The following FBXL13 variants were observed in gnomAD, a reference collection of about 807,000 sequenced individuals.
FBXL13 encodes the protein F-box and leucine-rich repeat protein 13.
In FBXL13, 67 loss-of-function variants were observed where a neutral mutation model predicts 83.6. The observed-to-expected ratio is 0.80, with a 90% CI of 0.66 to 0.98. FBXL13 has a LOEUF of 0.98. FBXL13 is among the 50% of genes least tolerant of loss of function. The pLI is 0.00. For missense variants in FBXL13, 822 were observed against 866.5 expected (o/e 0.95, Z 0.64); for synonymous variants, 272 against 299.5 (o/e 0.91, Z 0.95).
chr7:103,001,929 A>C (rs546750986), intron 6 of FBXL13, among the ~76,000 whole-genome samples: 1 of 152,262 alleles, frequency 6.6e-6, no homozygotes, highest in Non-Finnish European at 1.5e-5. Flanking sequence ...CATGAGAACC[A>C]GTTCTCCCTA....
intron 8 of FBXL13, among the ~76,000 whole-genome samples, chr7:102,961,774 G>A (rs1301999258): frequency 2.2e-5 from 3 of 138,158 alleles, no homozygotes; most frequent in African/African-American, 8.3e-5. Flanking sequence ...GGGAAAACTG[G>A]CTAGCCATAT....
intron 8 of FBXL13, chr7:102,933,675 A>C: frequency 3.2e-6 from 1 of 316,826 alleles, no homozygotes; most frequent in Non-Finnish European, 5.8e-6. Flanking sequence ...GTTCTGTGGA[A>C]CTAGAAGGCC....
At chr7:102,914,912 G>C (rs987733943) in intron 10 of FBXL13, among the ~76,000 whole-genome samples, 2 of 152,180 alleles carry the variant, frequency 1.3e-5, no homozygotes, top group Admixed American at 6.5e-5. Flanking sequence ...TCTTGGGGTG[G>C]GGAGAGGCAC....
intron 18 of FBXL13, among the ~76,000 whole-genome samples, chr7:102,823,170 C>T (rs140209670): frequency 1.1e-3 from 165 of 152,198 alleles, no homozygotes; most frequent in Non-Finnish European, 1.9e-3. Flanking sequence ...TTTAGTAATA[C>T]CTGTCACACC....
At chr7:102,830,037 AAAT>A (rs1427979658) in intron 18 of FBXL13, among the ~76,000 whole-genome samples, 1 of 152,106 alleles carries the variant, frequency 6.6e-6, no homozygotes, top group Non-Finnish European at 1.5e-5. Flanking sequence ...CAGCGTTCTA[AAAT>A]AATTGACTCT....
intron 6 of FBXL13, among the ~76,000 whole-genome samples, chr7:102,985,782 T>C (rs1410932097): frequency 1.3e-5 from 2 of 152,184 alleles, no homozygotes; most frequent in Admixed American, 6.5e-5. Context: ...AGGATGGGCA[T>C]TATCATGTAA....
chr7:102,826,837 C>A (rs1317479036), intron 18 of FBXL13, among the ~76,000 whole-genome samples: 8 of 133,772 alleles, frequency 6.0e-5, no homozygotes, highest in African/African-American at 1.9e-4. Flanking sequence ...ATAAATATAT[C>A]TAATATATAA....
intron 18 of FBXL13, among the ~76,000 whole-genome samples, chr7:102,832,271 A>C (rs1800838763): frequency 6.6e-6 from 1 of 152,218 alleles, no homozygotes; most frequent in African/African-American, 2.4e-5. Context: ...TTGGAGTGTC[A>C]AACTGGAACA....
intron 6 of FBXL13, among the ~76,000 whole-genome samples, chr7:102,974,978 C>G (rs1827253569): frequency 6.6e-6 from 1 of 152,156 alleles, no homozygotes; most frequent in Non-Finnish European, 1.5e-5. Context: ...TCTCCTGAAG[C>G]CTGTAAACCC....
intron 6 of FBXL13, among the ~76,000 whole-genome samples, chr7:102,975,017 C>T (rs968228622): frequency 1.6e-4 from 24 of 152,246 alleles, no homozygotes; most frequent in African/African-American, 5.5e-4. Flanking sequence ...CCTATCTATC[C>T]TCCACTGCCT....
chr7:103,019,027 G>A (rs565705141), intron 6 of FBXL13, among the ~76,000 whole-genome samples: 12 of 151,350 alleles, frequency 7.9e-5, no homozygotes, highest in Admixed American at 3.3e-4. Flanking sequence ...TACATTCTTC[G>A]CAGCACCACA....
exon 19 of FBXL13, chr7:102,822,123 A>C: frequency 6.2e-7 from 1 of 1,614,220 alleles, no homozygotes; most frequent in Non-Finnish European, 8.5e-7. Flanking sequence ...TTTGGTCAGT[A>C]AGCAAGACAC....
chr7:102,915,001 G>A (rs894372719), intron 10 of FBXL13, among the ~76,000 whole-genome samples: 1 of 152,036 alleles, frequency 6.6e-6, no homozygotes, highest in Non-Finnish European at 1.5e-5. Context: ...GTGACACAGT[G>A]CAAAATACAC....
rs748523995 is a variant in FBXL13, at chr7:102,931,940, C to T, written c.725-7G>A. The T allele has an allele frequency of 1.2e-6, 2 of 1,613,100 alleles. No individual in the cohort carries two copies. The highest frequency in any genetic ancestry group is 1.1e-5 in the South Asian group (1 of 90,908). Reference sequence around the variant, plus strand: ...TGCAAGTTCCTACAGTGGCCTAAATCAAATAAGTTACACGTCACTAAACTA... The same window carrying T: ...TGCAAGTTCCTACAGTGGCCTAAATTAAATAAGTTACACGTCACTAAACTA... On this transcript the variant is annotated splice_region_variant and splice_polypyrimidine_tract_variant and intron_variant, in intron 8 of 19. Transcript: ENST00000313221.
At chr7:102,865,716 T>G (rs192284979) in intron 16 of FBXL13, among the ~76,000 whole-genome samples, 96 of 150,232 alleles carry the variant, frequency 6.4e-4, no homozygotes, top group African/African-American at 2.2e-3. Flanking sequence ...TAATTTTTGT[T>G]TTTTTTTTTA....
At chr7:103,003,097 T>A (rs1421159786) in intron 6 of FBXL13, among the ~76,000 whole-genome samples, 1 of 151,978 alleles carries the variant, frequency 6.6e-6, no homozygotes, top group African/African-American at 2.4e-5. Context: ...TTTCTTTCTT[T>A]AATTCTTTCT....
chr7:102,935,242 C>CTTTTTTTTTTTTTTTTTTCTTT (rs1820077921), intron 8 of FBXL13, among the ~76,000 whole-genome samples: 1 of 76,402 alleles, frequency 1.3e-5, no homozygotes, highest in African/African-American at 5.8e-5. Flanking sequence ...TTTTTTCTTT[C>CTTTTTTTTTTTTTTTTTTCTTT]TTTTTTTTTT....
chr7:103,039,908 A>G (rs535869605), intron 2 of FBXL13, among the ~76,000 whole-genome samples: 1 of 152,206 alleles, frequency 6.6e-6, no homozygotes, highest in South Asian at 2.1e-4. Flanking sequence ...CTATGAAGAA[A>G]CTGCATCAAT....
At chr7:102,872,640 A>G (rs1040231159) in intron 16 of FBXL13, among the ~76,000 whole-genome samples, 2 of 152,236 alleles carry the variant, frequency 1.3e-5, no homozygotes, top group African/African-American at 2.4e-5. Flanking sequence ...ATGATAATCC[A>G]ATTAACTAGC....
Sources: allele counts gnomAD v4.1 joint callset (sites outside exome capture counted in the v4.1 genomes callset), GRCh38; gene constraint gnomAD v4.1.1; transcripts MANE v1.5; gene names NCBI Gene and HGNC (gene_info 2026-07-23, HGNC 2026-07-21).